VPS13B: variants seen among roughly 807,000 people sequenced by gnomAD.
VPS13B encodes intermembrane lipid transfer protein VPS13B.
VPS13B carries 285 observed loss-of-function variants against 426.4 expected under a neutral mutation model. That is an observed-to-expected ratio of 0.67 (90% CI 0.61 to 0.74). The LOEUF is 0.74. Among genes scored for constraint, VPS13B ranks in the 30% least tolerant of loss-of-function variants. The pLI, the probability that VPS13B is intolerant of heterozygous loss-of-function variation, is 0.00. For synonymous variants in VPS13B, 1,676 were observed against 1,676.4 expected (o/e 1.00, Z 0.01); for missense variants, 4,537 against 4,782.6 (o/e 0.95, Z 1.51).
chr8:99,790,645 A>G (rs1029785535), intron 43 of VPS13B, among the ~76,000 whole-genome samples: 1 of 152,186 alleles, frequency 6.6e-6, no homozygotes, highest in Non-Finnish European at 1.5e-5. Flanking sequence ...GATATGAACA[A>G]AGTCTTAATG....
intron 21 of VPS13B, among the ~76,000 whole-genome samples, chr8:99,393,443 CA>C (rs1468389748): frequency 1.3e-5 from 2 of 152,048 alleles, no homozygotes; most frequent in Admixed American, 6.5e-5. Flanking sequence ...ATAAACAACA[CA>C]TTTTTTAAAT....
chr8:99,872,451 C>T (rs762798610), intron 61 of VPS13B, among the ~76,000 whole-genome samples: 4 of 152,188 alleles, frequency 2.6e-5, no homozygotes, highest in Non-Finnish European at 5.9e-5. Context: ...TCCTGGCCTG[C>T]ATAAATTAAT....
chr8:99,553,247 T>C (rs915073966), intron 30 of VPS13B, among the ~76,000 whole-genome samples: 9 of 152,134 alleles, frequency 5.9e-5, no homozygotes, highest in African/African-American at 2.2e-4. Flanking sequence ...ATTCTGTTAT[T>C]GGTGTTGGCT....
chr8:99,114,143 A>ACC (rs1554621853), intron 6 of VPS13B, among the ~76,000 whole-genome samples: 1 of 67,356 alleles, frequency 1.5e-5, no homozygotes, highest in African/African-American at 5.6e-5. Flanking sequence ...AATTGCAAAT[A>ACC]TCTTTTTTTT....
At chr8:99,839,482 T>C (rs919942140) in intron 54 of VPS13B, among the ~76,000 whole-genome samples, 15 of 152,212 alleles carry the variant, frequency 9.9e-5, no homozygotes, top group Admixed American at 6.5e-4. Flanking sequence ...ATAAAGCCTT[T>C]GATCACTGCA....
chr8:99,322,369 C>CT (rs959433033), intron 19 of VPS13B, among the ~76,000 whole-genome samples: 1 of 152,050 alleles, frequency 6.6e-6, no homozygotes. Context: ...AAGGCTAGTA[C>CT]TTTTTTTCCT....
At chr8:99,469,586 A>G (rs1289280086) in intron 24 of VPS13B, among the ~76,000 whole-genome samples, 1 of 152,176 alleles carries the variant, frequency 6.6e-6, no homozygotes, top group African/African-American at 2.4e-5. Flanking sequence ...GAAAATAATT[A>G]TGAAATGACT....
intron 35 of VPS13B, among the ~76,000 whole-genome samples, chr8:99,688,020 G>C (rs952343314): frequency 1.3e-5 from 2 of 151,750 alleles, no homozygotes; most frequent in Non-Finnish European, 2.9e-5. Flanking sequence ...ATTAGATAAA[G>C]GGAACAATAT....
chr8:99,458,762 GGTT>G (rs1818662781), intron 23 of VPS13B, among the ~76,000 whole-genome samples: 1 of 151,994 alleles, frequency 6.6e-6, no homozygotes, highest in African/African-American at 2.4e-5. Context: ...TTTTTGATGG[GGTT>G]GTTTGTTTTT....
chr8:99,391,162 T>C (rs1408510653), intron 20 of VPS13B, among the ~76,000 whole-genome samples: 1 of 152,156 alleles, frequency 6.6e-6, no homozygotes, highest in Admixed American at 6.6e-5. Flanking sequence ...ATAAGGATAC[T>C]TTTCCATTTT....
At chr8:99,704,964 T>C (rs1672457194) in intron 36 of VPS13B, among the ~76,000 whole-genome samples, 1 of 152,044 alleles carries the variant, frequency 6.6e-6, no homozygotes, top group Non-Finnish European at 1.5e-5. Flanking sequence ...GTCCCTGAGG[T>C]AGAGGTGCGT....
In VPS13B at chr8:99,115,690, C is replaced by T. The variant is rs375512611; in HGVS notation, c.763-10C>T. 1.1e-5 allele frequency: 18 copies of T among 1,610,498 alleles called. No homozygotes were observed. The South Asian group carries it at 1.2e-4, about 11-fold the overall frequency. On this transcript the variant is annotated splice_polypyrimidine_tract_variant and intron_variant, in intron 6 of 61. Coordinates refer to ENST00000357162, the MANE Select transcript of VPS13B (RefSeq NM_152564.5). ...GCGTTTGTTGGTGTTATGTCTTTTT[C>T]AAAATGCAGATTCATACTTTAGTGG...
intron 61 of VPS13B, 55 bp from the exon 62 acceptor site, chr8:99,875,363 T>C: frequency 1.2e-6 from 2 of 1,612,956 alleles, no homozygotes; most frequent in Non-Finnish European, 8.5e-7. Context: ...ACTAATTTTG[T>C]TCTGGAACTC....
chr8:99,233,142 C>G, intron 17 of VPS13B: 2 of 1,386,130 alleles, frequency 1.4e-6, no homozygotes, highest in South Asian at 1.2e-5. Context: ...GCTGTGCAGT[C>G]TGGCTAGCAA....
At chr8:99,381,275 T>C (rs1050693695) in intron 19 of VPS13B, among the ~76,000 whole-genome samples, 8 of 152,244 alleles carry the variant, frequency 5.3e-5, no homozygotes, top group African/African-American at 1.9e-4. Flanking sequence ...ATTGTGTATA[T>C]GTAACACATT....
intron 21 of VPS13B, among the ~76,000 whole-genome samples, chr8:99,425,551 T>G (rs1173154118): frequency 6.6e-6 from 1 of 152,300 alleles, no homozygotes; most frequent in South Asian, 2.1e-4. Flanking sequence ...AATTAGGTAT[T>G]CATGGGATGT....
At chr8:99,037,644 A>G (rs1842806903) in intron 2 of VPS13B, among the ~76,000 whole-genome samples, 1 of 152,034 alleles carries the variant, frequency 6.6e-6, no homozygotes, top group South Asian at 2.1e-4. Flanking sequence ...ATAGAAATAC[A>G]TTTTTTTCTT....
In VPS13B at chr8:99,720,887, A is replaced by C. The variant is rs750125340; in HGVS notation, c.6890A>C (p.Tyr2297Ser). ...GAATCTTTGAAATTGCCTGGGGTCT[A>C]TGAAGTCTTATTTTATAATGAAACT... is the stretch of plus-strand genomic sequence containing the variant. ...DAESLKLPGV[Y>S]EVLFYNETED... Residue 2297 changes from tyrosine (Y) to serine (S), a missense_variant, in exon 39 of 62, where the codon TAT (tyrosine) becomes TCT (serine). This residue lies in a region of VPS13B where 4,311 missense variants were observed against 4,474.3 expected (regional missense o/e 0.96). Coordinates refer to ENST00000357162, the MANE Select transcript of VPS13B (RefSeq NM_152564.5). 31 of 1,613,646 alleles carry C rather than the reference A, an allele frequency of 1.9e-5. 1 individual carries two copies. The highest frequency in any genetic ancestry group is 2.5e-5 in the Non-Finnish European group (30 of 1,179,848).
intron 33 of VPS13B, among the ~76,000 whole-genome samples, chr8:99,582,898 G>A (rs1358102267): frequency 4.6e-5 from 7 of 152,086 alleles, no homozygotes; most frequent in African/African-American, 1.2e-4. Flanking sequence ...CTGGTGATCC[G>A]CCTGCCTTGG....
Sources: allele counts gnomAD v4.1 joint callset (sites outside exome capture counted in the v4.1 genomes callset), GRCh38; gene constraint gnomAD v4.1.1; regional missense constraint gnomAD v4.1.1; transcripts MANE v1.5; gene names NCBI Gene and HGNC (gene_info 2026-07-23, HGNC 2026-07-21).